Variants in SCRN1 observed in about 807,000 individuals in gnomAD.
SCRN1 encodes the protein secernin-1.
Under a neutral mutation model 43.3 loss-of-function variants are expected in SCRN1, and 19 were observed. The observed-to-expected ratio is 0.44, with a 90% CI of 0.31 to 0.64. The LOEUF (loss-of-function observed/expected upper bound fraction) is 0.64, where lower values mean the gene tolerates loss of function less well. SCRN1 is among the 30% of genes least tolerant of loss of function. The pLI, the probability that SCRN1 is intolerant of heterozygous loss-of-function variation, is 0.09. For missense variants in SCRN1, 447 were observed against 524.1 expected (o/e 0.85, Z 1.44); for synonymous variants, 183 against 188.9 (o/e 0.97, Z 0.26).
At chr7:29,977,417 C>T (rs549334497) in intron 1 of SCRN1, among the ~76,000 whole-genome samples, 18 of 152,246 alleles carry the variant, frequency 1.2e-4, no homozygotes, top group African/African-American at 4.3e-4. Context: ...TACTCATTTA[C>T]AAATTGATTT....
rs369346045 is a variant in SCRN1, at chr7:29,950,814, C to T, written c.341+4365G>A. On this transcript the variant is annotated intron_variant, in intron 3 of 7. Transcript: ENST00000242059. This position sits in a 1 kb window ranked among gnomAD's most constrained non-coding sequence, Gnocchi z 4.5. ...AGAGCTGGATACTCGTCAGGATGAC[C>T]TGCCTGCAGAATGGAGCTACCCACT... Among the ~76,000 whole-genome samples the T allele has an allele frequency of 6.6e-6, 1 of 152,202 alleles. No individual in the cohort carries two copies. The highest frequency in any genetic ancestry group is 1.5e-5 in the Non-Finnish European group (1 of 68,032).
intron 1 of SCRN1, among the ~76,000 whole-genome samples, chr7:29,978,240 A>T (rs1788890708): frequency 6.6e-6 from 1 of 152,222 alleles, no homozygotes; most frequent in Non-Finnish European, 1.5e-5. Context: ...GTTTTTAGAA[A>T]TCTGAATTAG....
intron 1 of SCRN1, among the ~76,000 whole-genome samples, chr7:29,972,709 A>G (rs1268431702): frequency 1.3e-5 from 2 of 152,214 alleles, no homozygotes; most frequent in Non-Finnish European, 2.9e-5. Flanking sequence ...TTCCTGAATC[A>G]CCATGTGTGC....
At chr7:29,941,019 A>C (rs1181028674) in intron 4 of SCRN1, 143 bp from the exon 5 acceptor site, 1 of 679,820 alleles carries the variant, frequency 1.5e-6, no homozygotes. Flanking sequence ...AGAGAGAAAC[A>C]GACAATCATT....
chr7:29,940,648 GAGA>G, intron 5 of SCRN1, 31 bp downstream of exon 5: 2 of 1,550,564 alleles, frequency 1.3e-6, no homozygotes, highest in African/African-American at 2.8e-5. Context: ...GAAAGGGTAT[GAGA>G]AGGAGAATCG....
intron 1 of SCRN1, among the ~76,000 whole-genome samples, chr7:29,988,245 T>A (rs953726772): frequency 6.6e-6 from 1 of 152,186 alleles, no homozygotes; most frequent in Non-Finnish European, 1.5e-5. Flanking sequence ...TCAAACGACC[T>A]CCAGGTTGTG....
At chr7:29,937,932 C>A (rs957899238) in intron 5 of SCRN1, among the ~76,000 whole-genome samples, 10 of 152,182 alleles carry the variant, frequency 6.6e-5, no homozygotes, top group African/African-American at 2.2e-4. Context: ...CTTCAACTGT[C>A]CAATGTTCAG....
chr7:29,948,967 C>T (rs1787823669), intron 3 of SCRN1, among the ~76,000 whole-genome samples: 2 of 152,190 alleles, frequency 1.3e-5, no homozygotes, highest in Admixed American at 1.3e-4. Context: ...CTTCATAGTT[C>T]TCATCCATGT....
chr7:29,957,803 G>T (rs532151172), intron 2 of SCRN1, among the ~76,000 whole-genome samples: 2 of 152,292 alleles, frequency 1.3e-5, no homozygotes, highest in East Asian at 3.9e-4. Context: ...CAGAGCTAAG[G>T]GCTTAAGAGA....
chr7:29,927,758 C>T (rs1173670434), intron 6 of SCRN1, among the ~76,000 whole-genome samples: 1 of 152,204 alleles, frequency 6.6e-6, no homozygotes, highest in African/African-American at 2.4e-5. Flanking sequence ...TTGATTCCCT[C>T]AGCCCTGGGG....
intron 2 of SCRN1, among the ~76,000 whole-genome samples, chr7:29,962,704 A>G (rs1562817158): frequency 3.9e-5 from 6 of 151,990 alleles, no homozygotes. Context: ...AATAAAATAA[A>G]ATAAAATAAC....
chr7:29,935,480 G>A (rs577206479), intron 6 of SCRN1, among the ~76,000 whole-genome samples: 6 of 152,340 alleles, frequency 3.9e-5, no homozygotes, highest in African/African-American at 1.4e-4. Flanking sequence ...ATGATGTTCA[G>A]CCAATGGAAC....
chr7:29,941,394 T>A (rs910077418), intron 4 of SCRN1, among the ~76,000 whole-genome samples: 4 of 152,200 alleles, frequency 2.6e-5, no homozygotes, highest in Non-Finnish European at 5.9e-5. Context: ...CAAATCTATA[T>A]GGTTTTTTTT....
chr7:29,947,590 TC>T (rs1258184718), intron 3 of SCRN1, among the ~76,000 whole-genome samples: 3 of 152,206 alleles, frequency 2.0e-5, no homozygotes, highest in African/African-American at 7.2e-5. Context: ...CTCCCCACAA[TC>T]AAGCAGTCTG....
intron 2 of SCRN1, among the ~76,000 whole-genome samples, chr7:29,968,087 A>G (rs1788554393): frequency 6.6e-6 from 1 of 152,240 alleles, no homozygotes; most frequent in African/African-American, 2.4e-5. Flanking sequence ...AGTATTTTTA[A>G]AAGATTTGAA....
At chr7:29,946,126 A>C (rs1346401268) in intron 3 of SCRN1, among the ~76,000 whole-genome samples, 4 of 152,244 alleles carry the variant, frequency 2.6e-5, no homozygotes, top group Non-Finnish European at 4.4e-5. Context: ...AAGCTTATGT[A>C]GCAAGACTCG....
chr7:29,940,163 TAAACAAAC>T (rs751347490), intron 5 of SCRN1, among the ~76,000 whole-genome samples: 3 of 151,542 alleles, frequency 2.0e-5, no homozygotes, highest in African/African-American at 7.3e-5. Context: ...CCTGTCTCAA[TAAACAAAC>T]AAACAAACAA....
chr7:29,962,247 T>C (rs888911814), intron 2 of SCRN1, among the ~76,000 whole-genome samples: 72 of 147,982 alleles, frequency 4.9e-4, no homozygotes, highest in Non-Finnish European at 8.8e-4. Context: ...TTAAATTATA[T>C]AATTATTAGA....
At chr7:29,960,401 G>GA (rs573294385) in intron 2 of SCRN1, among the ~76,000 whole-genome samples, 57 of 144,402 alleles carry the variant, frequency 3.9e-4, no homozygotes, top group South Asian at 1.5e-3. Context: ...AAGCTAATTT[G>GA]AAAAAAAAAA....
Sources: allele counts gnomAD v4.1 joint callset (sites outside exome capture counted in the v4.1 genomes callset), GRCh38; gene constraint gnomAD v4.1.1; non-coding constraint Gnocchi (gnomAD v3.1); transcripts MANE v1.5; gene names NCBI Gene and HGNC (gene_info 2026-07-23, HGNC 2026-07-21).